Variants in ANTXR1 observed in about 807,000 individuals in gnomAD.
ANTXR1 encodes the protein anthrax toxin receptor 1.
Under a neutral mutation model 78.1 loss-of-function variants are expected in ANTXR1, and 19 were observed. The observed-to-expected ratio is 0.24, with a 90% CI of 0.17 to 0.36. The LOEUF (loss-of-function observed/expected upper bound fraction) is 0.36, where lower values mean the gene tolerates loss of function less well. Among genes scored for constraint, ANTXR1 ranks in the 10% least tolerant of loss-of-function variants. The pLI is 1.00. For missense variants in ANTXR1, 518 were observed against 718.6 expected (o/e 0.72, Z 3.19); for synonymous variants, 273 against 260.5 (o/e 1.05, Z -0.46).
intron 17 of ANTXR1, among the ~76,000 whole-genome samples, chr2:69,205,583 A>T (rs1674876354): frequency 7.0e-6 from 1 of 142,538 alleles, no homozygotes; most frequent in African/African-American, 2.6e-5. Flanking sequence ...TGAGGGAATG[A>T]ACCATGGCTT....
intron 3 of ANTXR1, among the ~76,000 whole-genome samples, chr2:69,045,592 G>T (rs1374113538): frequency 6.6e-6 from 1 of 152,082 alleles, no homozygotes; most frequent in Non-Finnish European, 1.5e-5. Flanking sequence ...AAAGGAGGAA[G>T]GGCCAGTACA....
At chr2:69,148,567 T>C (rs1288476407) in intron 12 of ANTXR1, among the ~76,000 whole-genome samples, 1 of 152,226 alleles carries the variant, frequency 6.6e-6, no homozygotes, top group Non-Finnish European at 1.5e-5. Flanking sequence ...AAAGAGAATA[T>C]TATTGAATTC....
At chr2:69,224,353 A>C (rs1675390658) in intron 17 of ANTXR1, among the ~76,000 whole-genome samples, 1 of 152,244 alleles carries the variant, frequency 6.6e-6, no homozygotes, top group South Asian at 2.1e-4. Context: ...AGATTGTGGC[A>C]ACACACTTTG....
At chr2:69,096,194 C>G (rs561439246) in intron 9 of ANTXR1, among the ~76,000 whole-genome samples, 1 of 150,904 alleles carries the variant, frequency 6.6e-6, no homozygotes, top group Non-Finnish European at 1.5e-5. Flanking sequence ...GGAGGCAGAG[C>G]TTGCAGTGAG....
At chr2:69,109,436 G>T (rs74886399) in intron 10 of ANTXR1, among the ~76,000 whole-genome samples, 10 of 152,304 alleles carry the variant, frequency 6.6e-5, no homozygotes, top group African/African-American at 2.4e-4. Context: ...GTGGAAACTC[G>T]CCCTGGCCGA....
intron 3 of ANTXR1, among the ~76,000 whole-genome samples, chr2:69,061,387 A>C (rs1670239001): frequency 6.6e-6 from 1 of 152,216 alleles, no homozygotes. Context: ...TTTCAGACTT[A>C]AAATCTAAGA....
Position 69,013,895 on chromosome 2 carries a change from G to A in ANTXR1, c.152+244G>A, listed in dbSNP as rs1190561027. Among the ~76,000 whole-genome samples the A allele has an allele frequency of 6.6e-6, 1 of 152,228 alleles. No homozygotes were observed. The highest frequency in any genetic ancestry group is 1.5e-5 in the Non-Finnish European group (1 of 68,038). On this transcript the variant is annotated intron_variant, in intron 1 of 17. Transcript: ENST00000303714. This position sits in a 1 kb window ranked among gnomAD's most constrained non-coding sequence, Gnocchi z 5.0. ...TCGGAAGGGGACAGACTTCTTTTCT[G>A]TCTTGCTTTCTGTGTCCCAGGAGCA...
chr2:69,082,349 C>T (rs967217747), intron 8 of ANTXR1, among the ~76,000 whole-genome samples: 3 of 152,154 alleles, frequency 2.0e-5, no homozygotes, highest in Non-Finnish European at 2.9e-5. Flanking sequence ...TTTTCCCACT[C>T]GCTTCTGCAG....
At chr2:69,024,904 A>G (rs1255841391) in intron 1 of ANTXR1, among the ~76,000 whole-genome samples, 1 of 152,164 alleles carries the variant, frequency 6.6e-6, no homozygotes, top group Non-Finnish European at 1.5e-5. Flanking sequence ...TGTCGATACT[A>G]TCTTCCCTCT....
intron 1 of ANTXR1, among the ~76,000 whole-genome samples, chr2:69,029,771 G>A (rs80067124): frequency 0.057 from 8,690 of 151,666 alleles, 488 homozygotes; most frequent in East Asian, 0.23. Flanking sequence ...TATTGACATC[G>A]GAATGGAAAA....
chr2:69,035,556 G>A (rs2104049177), intron 1 of ANTXR1, among the ~76,000 whole-genome samples: 1 of 152,266 alleles, frequency 6.6e-6, no homozygotes, highest in South Asian at 2.1e-4. Flanking sequence ...ACCCAGTTTG[G>A]TTCCTAGAAT....
intron 17 of ANTXR1, among the ~76,000 whole-genome samples, chr2:69,204,006 G>A (rs1674836160): frequency 6.6e-6 from 1 of 152,172 alleles, no homozygotes; most frequent in South Asian, 2.1e-4. Context: ...GAGGGAGGTA[G>A]GGATTAGCTC....
chr2:69,228,677 G>T (rs1314100956), intron 17 of ANTXR1, among the ~76,000 whole-genome samples: 2 of 152,152 alleles, frequency 1.3e-5, no homozygotes, highest in Non-Finnish European at 2.9e-5. Flanking sequence ...AGTGGCATTT[G>T]GGATTAGTAT....
chr2:69,099,258 G>A (rs1409971321), intron 9 of ANTXR1, among the ~76,000 whole-genome samples: 1 of 152,096 alleles, frequency 6.6e-6, no homozygotes, highest in Non-Finnish European at 1.5e-5. Context: ...ATGTTTTCAA[G>A]GTTCATCCAT....
chr2:69,180,820 A>G (rs11126222), intron 14 of ANTXR1, among the ~76,000 whole-genome samples: 73,879 of 152,066 alleles, frequency 0.49, 18,485 homozygotes, highest in East Asian at 0.77. Context: ...GATTGATGGA[A>G]TGAAGAGACC....
intron 10 of ANTXR1, among the ~76,000 whole-genome samples, chr2:69,109,371 A>C (rs1305427853): frequency 6.6e-6 from 1 of 152,248 alleles, no homozygotes; most frequent in Non-Finnish European, 1.5e-5. Flanking sequence ...TAAGTTAACA[A>C]AATAATCTGA....
intron 16 of ANTXR1, among the ~76,000 whole-genome samples, chr2:69,188,894 C>G (rs1015673560): frequency 2.0e-5 from 3 of 152,194 alleles, no homozygotes; most frequent in African/African-American, 7.2e-5. Flanking sequence ...TATTAACGAG[C>G]CCACTACTAC....
Position 69,193,410 on chromosome 2 carries a change from G to C in ANTXR1, c.1429G>C (p.Asp477His). 6.2e-7 allele frequency: 1 copy of C among 1,612,858 alleles called. No individual in the cohort carries two copies. Among genetic ancestry groups the C allele is most frequent in the Non-Finnish European group, 8.5e-7 (1 of 1,179,438 alleles). ...RVSVMRPQPG[D>H]TGRCINFTRV... ...GTCTGTGATGCGTCCACAGCCAGGA[G>C]ACACGGTAGGACTCGTTAATTCATT... Residue 477 changes from aspartate to histidine, a missense_variant, in exon 17 of 18, where the codon GAC becomes CAC. Asp to His is a moderately conservative substitution (Grantham distance 81). Around this residue, in one of 5 missense-constraint regions of ANTXR1, gnomAD observed 192 missense variants for 230.2 expected, o/e 0.83. Transcript: ENST00000303714.
At position 69,193,988 on chromosome 2, in the gene ANTXR1, T is replaced by A. The variant is rs1674604928; in HGVS notation, c.1434+573T>A. 2.6e-5 allele frequency among the ~76,000 whole-genome samples: 4 copies of A among 152,200 alleles called. No individual in the cohort carries two copies. The South Asian group carries it at 8.3e-4, about 31-fold the overall frequency. ...CATTGTCAAGGCTAAGCTTGGAATATCTCTAGTCAAGAGCAGTCCTGAAAG... is the reference window on the plus strand; with the variant it reads ...CATTGTCAAGGCTAAGCTTGGAATAACTCTAGTCAAGAGCAGTCCTGAAAG... On this transcript the variant is annotated intron_variant, in intron 17 of 17. Transcript: ENST00000303714.
Sources: allele counts gnomAD v4.1 joint callset (sites outside exome capture counted in the v4.1 genomes callset), GRCh38; gene constraint gnomAD v4.1.1; regional missense constraint gnomAD v4.1.1; non-coding constraint Gnocchi (gnomAD v3.1); transcripts MANE v1.5; gene names NCBI Gene and HGNC (gene_info 2026-07-23, HGNC 2026-07-21).